Variants in GABRB1 observed in about 807,000 individuals in gnomAD.
GABRB1 encodes gamma-aminobutyric acid type A receptor subunit beta1.
GABRB1 carries 17 observed loss-of-function variants against 51.6 expected under a neutral mutation model. The observed-to-expected ratio is 0.33, with a 90% CI of 0.23 to 0.49. The LOEUF (loss-of-function observed/expected upper bound fraction) is 0.49, where lower values mean the gene tolerates loss of function less well. GABRB1 is among the 20% of genes least tolerant of loss of function. The pLI, the probability that GABRB1 is intolerant of heterozygous loss-of-function variation, is 0.99. For synonymous variants in GABRB1, 247 were observed against 218.9 expected, an observed-to-expected ratio of 1.13 and a Z score of -1.14; for missense variants, 410 against 600.6, an observed-to-expected ratio of 0.68 and a Z score of 3.32.
At chr4:47,343,073 G>A (rs1725961610) in intron 5 of GABRB1, among the ~76,000 whole-genome samples, 1 of 151,934 alleles carries the variant, frequency 6.6e-6, no homozygotes, top group Non-Finnish European at 1.5e-5. Context: ...AAAATGCCAG[G>A]ACCTAACTGA....
chr4:47,260,226 A>G (rs1239464211), intron 4 of GABRB1, among the ~76,000 whole-genome samples: 5 of 151,646 alleles, frequency 3.3e-5, no homozygotes, highest in Non-Finnish European at 7.4e-5. Flanking sequence ...GTGTCTCTGC[A>G]TGTGAGATGG....
At chr4:47,350,280 T>C (rs530437921) in intron 5 of GABRB1, among the ~76,000 whole-genome samples, 1 of 143,624 alleles carries the variant, frequency 7.0e-6, no homozygotes, top group African/African-American at 2.6e-5. Context: ...TATATATATA[T>C]ATATATAGAG....
chr4:47,244,779 A>ATGT (rs1721676442), intron 4 of GABRB1, among the ~76,000 whole-genome samples: 1 of 152,200 alleles, frequency 6.6e-6, no homozygotes, highest in Admixed American at 6.5e-5. Flanking sequence ...AGAAATAAAG[A>ATGT]TGTTCTTTGA....
At chr4:47,341,753 T>C (rs1431078240) in intron 5 of GABRB1, among the ~76,000 whole-genome samples, 1 of 152,230 alleles carries the variant, frequency 6.6e-6, no homozygotes, top group Non-Finnish European at 1.5e-5. Flanking sequence ...CCTTTCTTTG[T>C]TTAATGAACA....
chr4:47,079,807 A>C (rs1727744186), intron 3 of GABRB1, among the ~76,000 whole-genome samples: 1 of 128,532 alleles, frequency 7.8e-6, no homozygotes. Flanking sequence ...ATGAGAACAC[A>C]TGGACACAGG....
rs1163815433 is a variant in GABRB1 at position 47,284,555 on chromosome 4, CT to C, written c.462-35571del. On this transcript the variant is annotated intron_variant, in intron 4 of 8. Transcript: ENST00000295454. ...CCAAGAGGAAAACTTTTTCTTTTCT[CT>C]CAAGAGGGTTCACAACATATAATTC... Among the ~76,000 whole-genome samples the C allele has an allele frequency of 7.2e-5, 11 of 152,276 alleles. No homozygotes were observed. The East Asian group carries it at 2.1e-3, about 29-fold the overall frequency.
At chr4:47,267,365 G>T (rs1722677311) in intron 4 of GABRB1, among the ~76,000 whole-genome samples, 1 of 150,226 alleles carries the variant, frequency 6.7e-6, no homozygotes, top group South Asian at 2.1e-4. Flanking sequence ...GAAAGAGTAG[G>T]AATAAAAACC....
At chr4:47,411,707 T>C (rs561487340) in intron 8 of GABRB1, among the ~76,000 whole-genome samples, 1 of 152,298 alleles carries the variant, frequency 6.6e-6, no homozygotes, top group South Asian at 2.1e-4. Flanking sequence ...ATGTAATCAG[T>C]TGGAGAACCT....
intron 5 of GABRB1, among the ~76,000 whole-genome samples, chr4:47,327,836 T>G (rs1725312371): frequency 6.6e-6 from 1 of 152,198 alleles, no homozygotes; most frequent in Non-Finnish European, 1.5e-5. Context: ...TGATAAGAAA[T>G]ATCTGGGTCA....
chr4:47,421,747 T>C (rs1729095306), intron 8 of GABRB1, among the ~76,000 whole-genome samples: 1 of 152,154 alleles, frequency 6.6e-6, no homozygotes, highest in South Asian at 2.1e-4. Context: ...TTTCTCACTT[T>C]GATGAATCCC....
At chr4:47,109,173 G>T (rs111821203) in intron 3 of GABRB1, among the ~76,000 whole-genome samples, 2 of 152,048 alleles carry the variant, frequency 1.3e-5, no homozygotes, top group African/African-American at 2.4e-5. Context: ...TGGTTTGAAG[G>T]ATAGCTTAGA....
intron 4 of GABRB1, among the ~76,000 whole-genome samples, chr4:47,278,656 G>A (rs1723169902): frequency 6.6e-6 from 1 of 152,100 alleles, no homozygotes; most frequent in Admixed American, 6.6e-5. Flanking sequence ...ATTACCAACA[G>A]ACACCTGCTG....
At chr4:47,064,011 C>T (rs556631539) in intron 3 of GABRB1, among the ~76,000 whole-genome samples, 13 of 152,092 alleles carry the variant, frequency 8.5e-5, no homozygotes, top group South Asian at 2.1e-4. Flanking sequence ...AACAAAACTG[C>T]GCATCCTGCA....
intron 1 of GABRB1, among the ~76,000 whole-genome samples, chr4:47,011,475 A>G (rs1560495226): frequency 6.6e-6 from 1 of 152,124 alleles, no homozygotes; most frequent in African/African-American, 2.4e-5. Flanking sequence ...GAATAAGGGT[A>G]AGGTCCCAAG....
chr4:47,067,110 A>G (rs1002097642), intron 3 of GABRB1, among the ~76,000 whole-genome samples: 2 of 152,232 alleles, frequency 1.3e-5, no homozygotes, highest in African/African-American at 4.8e-5. Flanking sequence ...GTTAATGAAC[A>G]GTGCTATCTT....
intron 4 of GABRB1, among the ~76,000 whole-genome samples, chr4:47,292,850 T>C (rs1199505798): frequency 6.6e-6 from 1 of 152,006 alleles, no homozygotes; most frequent in Non-Finnish European, 1.5e-5. Flanking sequence ...GGGGCTGAAA[T>C]CCCTCTTTTA....
intron 4 of GABRB1, among the ~76,000 whole-genome samples, chr4:47,210,641 T>C (rs1720317177): frequency 6.6e-6 from 1 of 152,206 alleles, no homozygotes; most frequent in Non-Finnish European, 1.5e-5. Context: ...CTTCATATAA[T>C]AATTGTGTAG....
chr4:47,150,218 C>T (rs1347767510), intron 3 of GABRB1, among the ~76,000 whole-genome samples: 2 of 122,314 alleles, frequency 1.6e-5, no homozygotes, highest in Non-Finnish European at 3.4e-5. Flanking sequence ...CACACACACG[C>T]ACACAGTTAT....
chr4:47,311,237 T>TACAACA (rs1382390835), intron 4 of GABRB1, among the ~76,000 whole-genome samples: 2,928 of 142,408 alleles, frequency 0.021, 82 homozygotes, highest in African/African-American at 0.066. Flanking sequence ...CTACTAAAAA[T>TACAACA]ACAACAACAA....
Sources: gnomAD v4.1 joint callset for allele counts (sites outside exome capture counted in the v4.1 genomes callset) on GRCh38, gnomAD v4.1.1 for gene constraint, MANE v1.5 for transcripts, NCBI Gene and HGNC (gene_info 2026-07-23, HGNC 2026-07-21) for gene names.